Variants in FYB2 observed in about 807,000 individuals in gnomAD.
FYB2 encodes the protein FYN binding protein 2.
A neutral mutation model predicts 94.1 loss-of-function variants in FYB2; 103 were observed. The observed-to-expected ratio is 1.09, with a 90% confidence interval of 0.93 to 1.29. The LOEUF is 1.29. FYB2 is among the 50% of genes most tolerant of loss of function. The probability of loss-of-function intolerance (pLI) is 0.00; values close to 1 mark genes in which losing one functional copy is unlikely to be tolerated. For missense variants in FYB2, 896 were observed against 841.5 expected, an observed-to-expected ratio of 1.06 and a Z score of -0.80; for synonymous variants, 293 against 287.9, an observed-to-expected ratio of 1.02 and a Z score of -0.18.
intron 4 of FYB2, among the ~76,000 whole-genome samples, chr1:56,772,540 T>C (rs1047291097): frequency 5.9e-5 from 9 of 152,170 alleles, no homozygotes; most frequent in African/African-American, 2.2e-4. Context: ...GAAATAACTC[T>C]ATGATTTAAA....
intron 15 of FYB2, among the ~76,000 whole-genome samples, chr1:56,732,261 T>C (rs2100546397): frequency 6.6e-6 from 1 of 152,164 alleles, no homozygotes; most frequent in East Asian, 1.9e-4. Flanking sequence ...TACATAGGAA[T>C]AAATTTAGCC....
chr1:56,732,863 G>T (rs976610876), intron 15 of FYB2, among the ~76,000 whole-genome samples: 1 of 151,620 alleles, frequency 6.6e-6, no homozygotes, highest in Admixed American at 6.6e-5. Context: ...AAAATGTAAG[G>T]CCCAAACCTC....
At chr1:56,793,545 G>A (rs1337302750) in intron 1 of FYB2, among the ~76,000 whole-genome samples, 1 of 152,050 alleles carries the variant, frequency 6.6e-6, no homozygotes, top group African/African-American at 2.4e-5. Context: ...TGGACATAAA[G>A]ATGAAAACAA....
intron 5 of FYB2, among the ~76,000 whole-genome samples, chr1:56,767,168 T>TATA (rs1380033104): frequency 9.9e-5 from 15 of 152,232 alleles, no homozygotes; most frequent in African/African-American, 3.6e-4. Flanking sequence ...ATTCCAGCAC[T>TATA]AAAATGTGTG....
intron 3 of FYB2, 126 bp downstream of exon 3, chr1:56,788,847 G>A: frequency 7.5e-7 from 1 of 1,337,472 alleles, no homozygotes; most frequent in Non-Finnish European, 1.1e-6. Context: ...GCCTCTAGAT[G>A]AGAATAAGCA....
chr1:56,792,688 C>T lies in FYB2; in HGVS notation c.125G>A (p.Gly42Asp), dbSNP rs1411754909. The T allele has an allele frequency of 1.9e-6, 3 of 1,614,080 alleles. No individual in the cohort carries two copies. The highest frequency in any genetic ancestry group is 2.2e-5 in the South Asian group (2 of 91,076). ...AGVSPKGDIG[G>D]TQSTQILANG... The stretch of plus-strand genomic sequence containing the variant: ...GGCCAAAATTTGAGTTGACTGTGTG[C>T]CTCCAATGTCACCCTTTGGAGAAAC... Residue 42 changes from glycine to aspartate, a missense_variant, in exon 2 of 20, where the codon GGC becomes GAC. By Grantham distance (94) the Gly-to-Asp change is moderately conservative (BLOSUM62 -1). Transcript: ENST00000343433.
intron 9 of FYB2, among the ~76,000 whole-genome samples, chr1:56,749,911 T>C (rs1645155576): frequency 6.6e-6 from 1 of 152,080 alleles, no homozygotes; most frequent in Non-Finnish European, 1.5e-5. Context: ...GTGGTACTTT[T>C]ATGAATGTTT....
chr1:56,823,156 G>A (rs1647002261), upstream of FYB2, among the ~76,000 whole-genome samples: 1 of 152,152 alleles, frequency 6.6e-6, no homozygotes. Flanking sequence ...AATGAAGAAA[G>A]TGAGGCTCAG....
intron 1 of FYB2, among the ~76,000 whole-genome samples, chr1:56,799,797 C>T (rs954345059): frequency 1.3e-5 from 2 of 152,192 alleles, no homozygotes; most frequent in South Asian, 2.1e-4. Context: ...GTAACCCTCT[C>T]TATGTCACCG....
upstream of FYB2, chr1:56,824,102 AT>A (rs1411550362): frequency 1.3e-5 from 2 of 152,224 alleles, no homozygotes; most frequent in African/African-American, 2.4e-5. Context: ...GAGTACTAGG[AT>A]GTAGGAGTGG....
intron 4 of FYB2, among the ~76,000 whole-genome samples, chr1:56,770,194 A>T (rs139057414): frequency 4.6e-5 from 7 of 152,152 alleles, no homozygotes; most frequent in Non-Finnish European, 1.0e-4. Context: ...TGGCAACTTT[A>T]TGGGGAAGTA....
chr1:56,743,006 A>T (rs1478361689), intron 11 of FYB2, among the ~76,000 whole-genome samples: 1 of 152,048 alleles, frequency 6.6e-6, no homozygotes, highest in Admixed American at 6.6e-5. Flanking sequence ...ATAATTGTAT[A>T]CATAGTGGAA....
intron 15 of FYB2, among the ~76,000 whole-genome samples, chr1:56,731,076 AAAAACAAAAC>A (rs557464368): frequency 1.3e-5 from 2 of 152,056 alleles, no homozygotes; most frequent in African/African-American, 4.8e-5. Flanking sequence ...ACCCTGTTAC[AAAAACAAAAC>A]AAAACAAAAC....
chr1:56,792,124 G>T lies in FYB2; in HGVS notation c.689C>A (p.Pro230His). The T allele has an allele frequency of 6.8e-6, 11 of 1,613,634 alleles. No homozygotes were observed. Among genetic ancestry groups the T allele is most frequent in the Non-Finnish European group, 9.3e-6 (11 of 1,179,860 alleles). Residue 230 changes from proline to histidine, a missense_variant, in exon 2 of 20, where the codon CCT (proline) becomes CAT (histidine). Pro to His is a moderately conservative substitution (Grantham distance 77). Coordinates refer to ENST00000343433, the MANE Select transcript of FYB2 (RefSeq NM_001004303.5). ...HIRKSWENPP[P>H]ERSPASSPCQ... ...GGGGCTGCTTGCCGGGCTCCTCTCA[G>T]GAGGTGGGTTTTCCCAGCTTTTTCT...
intron 4 of FYB2, among the ~76,000 whole-genome samples, chr1:56,779,401 G>T (rs1246577465): frequency 2.0e-5 from 3 of 152,144 alleles, no homozygotes; most frequent in Non-Finnish European, 2.9e-5. Context: ...ACTTGGAGCT[G>T]AACGCTAGAC....
At chr1:56,816,191 G>C (rs1220803928) in intron 1 of FYB2, among the ~76,000 whole-genome samples, 2 of 152,170 alleles carry the variant, frequency 1.3e-5, no homozygotes, top group African/African-American at 4.8e-5. Context: ...ATTTGGACGA[G>C]GCTCAGCTGA....
At position 56,740,772 on chromosome 1, in the gene FYB2, T is replaced by C; in HGVS notation, c.1628A>G (p.Lys543Arg). The change falls in exon 13 of 20, where the codon AAA (lysine) becomes AGA (arginine). Residue 543 changes from lysine to arginine, a missense_variant. Lys to Arg is a conservative substitution (Grantham distance 26, BLOSUM62 2). Coordinates refer to ENST00000343433, the MANE Select transcript of FYB2 (RefSeq NM_001004303.5). Reference protein sequence around the residue: ...KIDLDGKEALKRLQQFFKKEK... With the variant: ...KIDLDGKEALRRLQQFFKKEK... Reference sequence around the variant, plus strand: ...TTTCTTGAAGAATTGCTGCAGTCTTTTGAGTGCTTCTTTTCCATCTAAACT... The same window carrying C: ...TTTCTTGAAGAATTGCTGCAGTCTTCTGAGTGCTTCTTTTCCATCTAAACT... The C allele has an allele frequency of 6.2e-7, 1 of 1,606,948 alleles. No homozygotes were observed. Among genetic ancestry groups the C allele is most frequent in the Non-Finnish European group, 8.5e-7 (1 of 1,176,016 alleles).
chr1:56,800,498 A>C (rs1326854979), intron 1 of FYB2, among the ~76,000 whole-genome samples: 1 of 152,124 alleles, frequency 6.6e-6, no homozygotes, highest in East Asian at 1.9e-4. Flanking sequence ...AATTAATTAA[A>C]TAAAATAAAA....
intron 3 of FYB2, among the ~76,000 whole-genome samples, chr1:56,787,718 C>T (rs1307605722): frequency 2.0e-5 from 3 of 152,166 alleles, no homozygotes; most frequent in African/African-American, 7.2e-5. Flanking sequence ...AAATGAGGCT[C>T]AGTGATTAAC....
Sources: allele counts gnomAD v4.1 joint callset (sites outside exome capture counted in the v4.1 genomes callset), GRCh38; gene constraint gnomAD v4.1.1; transcripts MANE v1.5; gene names NCBI Gene and HGNC (gene_info 2026-07-23, HGNC 2026-07-21).